The following IREB2 variants were observed in gnomAD, a reference collection of about 807,000 sequenced individuals.
IREB2 encodes the protein iron responsive element binding protein 2, also known as iron-responsive element-binding protein 2.
A neutral mutation model predicts 118.8 loss-of-function variants in IREB2; 39 were observed. The ratio of observed to expected loss-of-function variants is 0.33; its 90% CI spans 0.25 to 0.43. The LOEUF is 0.43. Ranked by LOEUF, IREB2 falls within the 20% of genes least tolerant of loss-of-function variation. The probability of loss-of-function intolerance (pLI) is 1.00; values close to 1 mark genes in which losing one functional copy is unlikely to be tolerated. For synonymous variants in IREB2, 372 were observed against 392.2 expected, an observed-to-expected ratio of 0.95 and a Z score of 0.61; for missense variants, 900 against 1,147.3, an observed-to-expected ratio of 0.78 and a Z score of 3.11.
At chr15:78,456,598 CA>C (rs1177327642) in intron 2 of IREB2, among the ~76,000 whole-genome samples, 2 of 150,456 alleles carry the variant, frequency 1.3e-5, no homozygotes, top group African/African-American at 2.5e-5. Context: ...CCCAGGAGGT[CA>C]AGGGTGTAGT....
In IREB2 at chr15:78,500,953, G is replaced by A. The variant is rs1200769878; in HGVS notation, c.*2810G>A. On this transcript the variant is annotated 3_prime_UTR_variant, in exon 22 of 22. Transcript: ENST00000258886. ...AGAATCATAGTTGCCTGCATATATG[G>A]TAACAAGGTCGTGTGCATTTGCTTT... is the stretch of plus-strand genomic sequence containing the variant. 2.0e-5 allele frequency: 3 copies of A among 152,166 alleles called. No homozygotes were observed. In the East Asian group the frequency reaches 5.8e-4, roughly 29 times the overall value. The allele number at this position is 152,166 out of a possible 1,614,324, so 9.4% of individuals were successfully genotyped here. A position where few individuals can be genotyped will look rare whatever the true frequency, so the allele number is the denominator to read the frequency against.
intron 18 of IREB2, among the ~76,000 whole-genome samples, chr15:78,492,355 A>G (rs2051764393): frequency 1.3e-5 from 1 of 76,310 alleles, no homozygotes. Flanking sequence ...AATGTACACA[A>G]TTTTACCAAA....
rs746433811 is a variant in IREB2 at position 78,494,287 on chromosome 15, A to G, written c.2595+23A>G. ...CTGGTATTGAATCTTAAAATTTATC[A>G]TCTTAAGCTTCAAAGAGTTTTAACT... is the stretch of plus-strand genomic sequence containing the variant. On this transcript the variant is annotated intron_variant, in intron 20 of 21. Transcript: ENST00000258886. The G allele has an allele frequency of 5.6e-6, 9 of 1,603,790 alleles. No individual in the cohort carries two copies. The South Asian group carries it at 6.7e-5, about 12-fold the overall frequency.
intron 15 of IREB2, 75 bp from the exon 16 acceptor site, chr15:78,488,572 A>G (rs1234800837): frequency 2.2e-6 from 3 of 1,386,112 alleles, no homozygotes; most frequent in East Asian, 2.4e-5. Context: ...GATTTCCATG[A>G]TATGTCTTTG....
intron 18 of IREB2, among the ~76,000 whole-genome samples, chr15:78,493,204 G>T (rs1481988693): frequency 1.2e-5 from 1 of 86,776 alleles, no homozygotes; most frequent in East Asian, 3.7e-4. Context: ...TATTGCATCA[G>T]ATAGAGCACA....
At chr15:78,478,952 T>G (rs1392818603) in intron 10 of IREB2, among the ~76,000 whole-genome samples, 1 of 152,146 alleles carries the variant, frequency 6.6e-6, no homozygotes, top group Non-Finnish European at 1.5e-5. Context: ...TTTGTTTTGC[T>G]TTTTGAGACC....
At chr15:78,451,063 C>A (rs2051018175) in intron 2 of IREB2, among the ~76,000 whole-genome samples, 1 of 152,022 alleles carries the variant, frequency 6.6e-6, no homozygotes, top group Admixed American at 6.5e-5. Context: ...CTCTTAGGTT[C>A]AAGCGATTCT....
At chr15:78,451,345 CTG>C (rs2051022430) in intron 2 of IREB2, among the ~76,000 whole-genome samples, 2 of 151,132 alleles carry the variant, frequency 1.3e-5, no homozygotes, top group East Asian at 3.9e-4. Context: ...AAGTGAAAAA[CTG>C]TTCTTTAAAA....
chr15:78,462,304 C>T (rs1287744543), intron 2 of IREB2, among the ~76,000 whole-genome samples: 2 of 152,082 alleles, frequency 1.3e-5, no homozygotes, highest in Non-Finnish European at 2.9e-5. Context: ...CTCTTTAAAT[C>T]CTAAGGAAAC....
rs1459254917 is a variant in IREB2, at chr15:78,466,262, G to T, written c.411-9G>T. 1.3e-6 allele frequency: 2 copies of T among 1,575,136 alleles called. No individual in the cohort carries two copies. The highest frequency in any genetic ancestry group is 1.7e-6 in the Non-Finnish European group (2 of 1,155,992). ...ATGGCTTTATTTTGTTTTCTTTTTGGAATGACAGTGCAATACAGAATGCAC... is the reference window on the plus strand; with the variant it reads ...ATGGCTTTATTTTGTTTTCTTTTTGTAATGACAGTGCAATACAGAATGCAC... On this transcript the variant is annotated splice_polypyrimidine_tract_variant and intron_variant, in intron 4 of 21. Coordinates refer to ENST00000258886, the MANE Select transcript of IREB2 (RefSeq NM_004136.4).
intron 3 of IREB2, among the ~76,000 whole-genome samples, chr15:78,464,473 C>T (rs769635322): frequency 9.9e-5 from 15 of 152,142 alleles, no homozygotes; most frequent in Middle Eastern, 3.4e-3. Flanking sequence ...GATACATAGC[C>T]GCATAAGAAA....
At position 78,501,237 on chromosome 15, in the gene IREB2, CACTT is replaced by C. The variant is rs1190121845; in HGVS notation, c.*3096_*3099del. 6.6e-6 allele frequency: 1 copy of C among 152,404 alleles called. No homozygotes were observed. Among genetic ancestry groups the C allele is most frequent in the Non-Finnish European group, 1.5e-5 (1 of 67,994 alleles). The allele number at this position is 152,404 out of a possible 1,614,324, so 9.4% of individuals were successfully genotyped here. A position where few individuals can be genotyped will look rare whatever the true frequency, so the allele number is the denominator to read the frequency against. Reference sequence around the variant, plus strand: ...TATGTGGCTATGAAACCATATATCTCACTTAAGTAACAAAGTAATCACTTTGTCT... The same window carrying C: ...TATGTGGCTATGAAACCATATATCTCAAGTAACAAAGTAATCACTTTGTCT... On this transcript the variant is annotated 3_prime_UTR_variant, in exon 22 of 22. Coordinates refer to ENST00000258886, the MANE Select transcript of IREB2 (RefSeq NM_004136.4).
chr15:78,482,938 ACT>A (rs1175649625), intron 10 of IREB2, among the ~76,000 whole-genome samples: 1 of 151,960 alleles, frequency 6.6e-6, no homozygotes, highest in Non-Finnish European at 1.5e-5. Flanking sequence ...ACGAGGTTTC[ACT>A]GTGTTAGCCA....
intron 2 of IREB2, among the ~76,000 whole-genome samples, chr15:78,443,308 G>A (rs115002617): frequency 1.3e-5 from 2 of 152,336 alleles, no homozygotes; most frequent in African/African-American, 4.8e-5. Context: ...CCATAGATAA[G>A]ATGGGGTACT....
chr15:78,477,872 G>C (rs1202533306), intron 9 of IREB2, among the ~76,000 whole-genome samples: 1 of 152,104 alleles, frequency 6.6e-6, no homozygotes, highest in Non-Finnish European at 1.5e-5. Flanking sequence ...AGTGGGCTAT[G>C]ATGGCACCAC....
At chr15:78,485,983 T>A in intron 13 of IREB2, 143 bp downstream of exon 13, 1 of 684,060 alleles carries the variant, frequency 1.5e-6, no homozygotes, top group Non-Finnish European at 2.4e-6. Context: ...CCATACAATT[T>A]TTGATGCCTT....
intron 2 of IREB2, among the ~76,000 whole-genome samples, chr15:78,445,031 C>T (rs1198088717): frequency 1.3e-5 from 2 of 152,104 alleles, no homozygotes; most frequent in African/African-American, 4.8e-5. Flanking sequence ...TTTGTGCAAA[C>T]TTATCATTAT....
chr15:78,496,449 A>G (rs1421091643), intron 20 of IREB2, among the ~76,000 whole-genome samples: 1 of 151,980 alleles, frequency 6.6e-6, no homozygotes, highest in Non-Finnish European at 1.5e-5. Flanking sequence ...CTGTTTTTAG[A>G]TAGAGATGGA....
At chr15:78,477,133 ACTT>A (rs2141498941) in intron 9 of IREB2, among the ~76,000 whole-genome samples, 1 of 152,290 alleles carries the variant, frequency 6.6e-6, no homozygotes, top group African/African-American at 2.4e-5. Context: ...CAAGTGCAAA[ACTT>A]CTGCATTTGA....
Sources: allele counts gnomAD v4.1 joint callset (sites outside exome capture counted in the v4.1 genomes callset), GRCh38; gene constraint gnomAD v4.1.1; transcripts MANE v1.5; gene names NCBI Gene and HGNC (gene_info 2026-07-23, HGNC 2026-07-21).